FILIP1L: variants seen among roughly 807,000 people sequenced by gnomAD.
FILIP1L encodes filamin A interacting protein 1 like.
Under a neutral mutation model 96.6 loss-of-function variants are expected in FILIP1L, and 55 were observed. The observed-to-expected ratio is 0.57, with a 90% CI of 0.46 to 0.71. The LOEUF (loss-of-function observed/expected upper bound fraction) is 0.71, where lower values mean the gene tolerates loss of function less well. Ranked by LOEUF, FILIP1L falls within the 30% of genes least tolerant of loss-of-function variation. The pLI, the probability that FILIP1L is intolerant of heterozygous loss-of-function variation, is 0.00. For missense variants in FILIP1L, 1,304 were observed against 1,321.2 expected (o/e 0.99, Z 0.20); for synonymous variants, 467 against 473.9 (o/e 0.99, Z 0.19).
intron 1 of FILIP1L, among the ~76,000 whole-genome samples, chr3:99,991,975 CAT>C (rs540559987): frequency 4.2e-4 from 62 of 146,508 alleles, no homozygotes; most frequent in African/African-American, 1.2e-3. Flanking sequence ...TATATACACA[CAT>C]ATATGTGTAT....
At chr3:99,848,014 A>G in intron 5 of FILIP1L, 1 of 1,125,188 alleles carries the variant, frequency 8.9e-7, no homozygotes, top group East Asian at 4.6e-5. Context: ...GTTATGGAAA[A>G]TGAAATACAT....
At chr3:100,007,660 T>C (rs1338253648) in intron 1 of FILIP1L, among the ~76,000 whole-genome samples, 2 of 152,216 alleles carry the variant, frequency 1.3e-5, no homozygotes, top group Admixed American at 1.3e-4. Context: ...AGGTCAACCT[T>C]TAAATTGCCT....
intron 1 of FILIP1L, among the ~76,000 whole-genome samples, chr3:100,028,904 GAC>G (rs202126886): frequency 7.9e-5 from 12 of 152,090 alleles, no homozygotes; most frequent in East Asian, 3.9e-4. Context: ...CACACACAAA[GAC>G]ACACACACAC....
chr3:99,938,114 G>A (rs1268538619), intron 1 of FILIP1L, among the ~76,000 whole-genome samples: 2 of 152,104 alleles, frequency 1.3e-5, no homozygotes, highest in Admixed American at 1.3e-4. Context: ...CGTGCTGGGT[G>A]GGGAAGAAAT....
At chr3:100,079,129 C>G (rs543389658) in intron 1 of FILIP1L, among the ~76,000 whole-genome samples, 26 of 152,302 alleles carry the variant, frequency 1.7e-4, no homozygotes, top group African/African-American at 6.3e-4. Context: ...CCTCTCTCCC[C>G]AGTCCTCTCA....
At chr3:100,014,898 T>TTTTTTTTTTTTTTTTTTTTTTTC (rs1710291087) in intron 1 of FILIP1L, among the ~76,000 whole-genome samples, 2 of 110,400 alleles carry the variant, frequency 1.8e-5, no homozygotes, top group East Asian at 2.6e-4. Context: ...TTTCTTTCTT[T>TTTTTTTTTTTTTTTTTTTTTTTC]TTTTTTTTTT....
At chr3:99,893,516 GT>G (rs1173946255) in intron 4 of FILIP1L, among the ~76,000 whole-genome samples, 1 of 152,084 alleles carries the variant, frequency 6.6e-6, no homozygotes, top group Non-Finnish European at 1.5e-5. Context: ...AAATATTATT[GT>G]TCATTTTATA....
intron 1 of FILIP1L, among the ~76,000 whole-genome samples, chr3:100,053,340 G>A (rs924715392): frequency 6.6e-5 from 10 of 152,184 alleles, no homozygotes; most frequent in African/African-American, 1.4e-4. Flanking sequence ...TTCAAAGGCC[G>A]TAGGGAAGAA....
chr3:99,896,781 G>T (rs573605966), intron 4 of FILIP1L, among the ~76,000 whole-genome samples: 1 of 152,056 alleles, frequency 6.6e-6, no homozygotes, highest in Non-Finnish European at 1.5e-5. Context: ...AGGGTTTAAC[G>T]GTTTTTGTTC....
At chr3:99,874,461 C>T (rs1237906276) in intron 4 of FILIP1L, 3 of 152,184 alleles carry the variant, frequency 2.0e-5, no homozygotes, top group Non-Finnish European at 4.4e-5. Context: ...GTGTTGGCCC[C>T]GCTCTTCTCA....
chr3:99,905,538 C>T (rs977250159), intron 4 of FILIP1L, among the ~76,000 whole-genome samples: 2 of 152,152 alleles, frequency 1.3e-5, no homozygotes, highest in South Asian at 2.1e-4. Context: ...CCATTTTTCT[C>T]GTTTATTGAG....
intron 1 of FILIP1L, among the ~76,000 whole-genome samples, chr3:100,007,734 G>T (rs1467577321): frequency 5.3e-5 from 8 of 152,028 alleles, no homozygotes. Context: ...GGGCCTTGTT[G>T]CTTTGACTGC....
chr3:99,989,810 G>A (rs536869636), intron 1 of FILIP1L, among the ~76,000 whole-genome samples: 65 of 151,720 alleles, frequency 4.3e-4, no homozygotes, highest in African/African-American at 1.5e-3. Flanking sequence ...AAAGGAAAAT[G>A]GAAATAAATT....
At chr3:99,844,696 G>T (rs556987091) in intron 5 of FILIP1L, among the ~76,000 whole-genome samples, 8 of 152,092 alleles carry the variant, frequency 5.3e-5, no homozygotes, top group African/African-American at 1.9e-4. Context: ...TCCTTTATGG[G>T]TTATGTATGT....
chr3:99,840,586 G>A (rs939021613), intron 5 of FILIP1L, among the ~76,000 whole-genome samples: 3 of 152,180 alleles, frequency 2.0e-5, no homozygotes, highest in African/African-American at 7.2e-5. Context: ...GAAAAATGAG[G>A]AAGAAGTTTA....
intron 4 of FILIP1L, among the ~76,000 whole-genome samples, chr3:99,902,604 G>C (rs1050845060): frequency 6.6e-6 from 1 of 152,148 alleles, no homozygotes; most frequent in Non-Finnish European, 1.5e-5. Flanking sequence ...AGAAACCTTG[G>C]ATTATAGTCC....
intron 1 of FILIP1L, among the ~76,000 whole-genome samples, chr3:100,014,986 T>G (rs1710297615): frequency 6.7e-6 from 1 of 150,260 alleles, no homozygotes; most frequent in Non-Finnish European, 1.5e-5. Flanking sequence ...CAAGAAGCTT[T>G]TTCCCCATGT....
At chr3:99,977,328 A>G (rs1405001235) in intron 1 of FILIP1L, among the ~76,000 whole-genome samples, 1 of 152,124 alleles carries the variant, frequency 6.6e-6, no homozygotes, top group Non-Finnish European at 1.5e-5. Context: ...CATCTTAGAA[A>G]GGTTGATCTA....
chr3:100,099,870 A>T (rs2066275111), intron 1 of FILIP1L, among the ~76,000 whole-genome samples: 1 of 152,192 alleles, frequency 6.6e-6, no homozygotes, highest in African/African-American at 2.4e-5. Flanking sequence ...AGGTGTGGTT[A>T]TGGAACTGAG....
Sources: allele counts gnomAD v4.1 joint callset (sites outside exome capture counted in the v4.1 genomes callset), GRCh38; gene constraint gnomAD v4.1.1; transcripts MANE v1.5; gene names NCBI Gene and HGNC (gene_info 2026-07-23, HGNC 2026-07-21).